SETD2: variants seen among roughly 807,000 people sequenced by gnomAD.
SETD2 encodes the protein histone-lysine N-methyltransferase SETD2.
In SETD2, 31 loss-of-function variants were observed where a neutral mutation model predicts 242.1. The observed-to-expected ratio is 0.13, with a 90% CI of 0.10 to 0.17. The LOEUF (loss-of-function observed/expected upper bound fraction) is 0.17, where lower values mean the gene tolerates loss of function less well. Ranked by LOEUF, SETD2 falls within the 10% of genes least tolerant of loss-of-function variation. The probability of loss-of-function intolerance (pLI) is 1.00; values close to 1 mark genes in which losing one functional copy is unlikely to be tolerated. For synonymous variants in SETD2, 1,006 were observed against 1,066.5 expected (o/e 0.94, Z 1.11); for missense variants, 2,481 against 3,046.3 (o/e 0.81, Z 4.37).
At chr3:47,074,008 A>G (rs892866108) in intron 12 of SETD2, among the ~76,000 whole-genome samples, 3 of 152,240 alleles carry the variant, frequency 2.0e-5, no homozygotes, top group African/African-American at 7.2e-5. Context: ...GCATATTCCT[A>G]CGTGTGAATG....
intron 12 of SETD2, among the ~76,000 whole-genome samples, chr3:47,076,879 C>T (rs1162049031): frequency 1.3e-5 from 2 of 152,172 alleles, no homozygotes; most frequent in South Asian, 2.1e-4. Context: ...CTCTATCATA[C>T]ACTAAAGGCT....
chr3:47,104,857 G>A (rs1475079783), intron 6 of SETD2, among the ~76,000 whole-genome samples: 1 of 152,144 alleles, frequency 6.6e-6, no homozygotes, highest in Non-Finnish European at 1.5e-5. Flanking sequence ...CAACACTCAA[G>A]TGATTCTCTG....
At chr3:47,127,109 C>A (rs1292055880) in intron 1 of SETD2, among the ~76,000 whole-genome samples, 3 of 152,130 alleles carry the variant, frequency 2.0e-5, no homozygotes, top group Non-Finnish European at 4.4e-5. Flanking sequence ...GTAATCCCAG[C>A]ACTTTGGGAG....
chr3:47,100,557 A>G (rs898271418), intron 8 of SETD2, among the ~76,000 whole-genome samples: 1 of 152,106 alleles, frequency 6.6e-6, no homozygotes, highest in Non-Finnish European at 1.5e-5. Context: ...ACCAGCCTGT[A>G]GTTTTATTTT....
rs2106660547 is a variant in SETD2 at position 47,121,782 on chromosome 3, T to C, written c.2854A>G (p.Asn952Asp). 1.2e-6 allele frequency: 2 copies of C among 1,614,140 alleles called. No homozygotes were observed. Among genetic ancestry groups the C allele is most frequent in the South Asian group, 2.2e-5 (2 of 91,078 alleles). Reference protein sequence around the residue: ...GFASRENRRNNGLSGKCLQEA... With the variant: ...GFASRENRRNDGLSGKCLQEA... ...TGCAAACATTTCCCAGATAACCCAT[T>C]ATTACGCCTGTTCTCCCTGGAAGCA... is the stretch of plus-strand genomic sequence containing the variant. The change falls in exon 3 of 21, where the codon AAT (asparagine) becomes GAT (aspartate). Residue 952 changes from asparagine (N) to aspartate (D), a missense_variant. Around this residue, in one of 17 missense-constraint regions of SETD2, gnomAD observed 1,300 missense variants for 1,259.2 expected, o/e 1.03. Transcript: ENST00000409792.
chr3:47,163,449 G>T (rs13078131), intron 1 of SETD2: 85,308 of 152,132 alleles, frequency 0.56, 24,092 homozygotes, highest in Non-Finnish European at 0.58. Flanking sequence ...CCCTCTTGCC[G>T]GGCCCGGCAC....
Position 47,037,583 on chromosome 3 carries a change from G to A in SETD2, c.7350+83C>T, listed in dbSNP as rs1046240096. The stretch of plus-strand genomic sequence containing the variant: ...TCACTCACTTATTTTTCAGAATAAA[G>A]AAAAAAGAATCCCAAGACCATGCGG... On this transcript the variant is annotated intron_variant, in intron 18 of 20. Transcript: ENST00000409792. 5.4e-5 allele frequency: 55 copies of A among 1,019,486 alleles called. No individual in the cohort carries two copies. The Admixed American group carries it at 1.0e-3, about 19-fold the overall frequency. The allele number at this position is 1,019,486 out of a possible 1,614,324, so 63.2% of individuals were successfully genotyped here.
At chr3:47,032,642 T>C (rs1441276714) in intron 18 of SETD2, among the ~76,000 whole-genome samples, 1 of 152,044 alleles carries the variant, frequency 6.6e-6, no homozygotes. Flanking sequence ...CTGGGCACGG[T>C]GGCTCACACC....
intron 11 of SETD2, among the ~76,000 whole-genome samples, chr3:47,085,465 C>G (rs1367668062): frequency 1.3e-5 from 2 of 152,152 alleles, no homozygotes; most frequent in Non-Finnish European, 2.9e-5. Context: ...TCTTAGACAA[C>G]CTCCCCCATT....
In SETD2 at chr3:47,042,656, G is replaced by T. The variant is rs771580579; in HGVS notation, c.7143C>A (p.Pro2381=). ...CAATGGTTTTTGGTTTGGGAGGAGAGGGGGGCGGCAGATCCAAGAGATTAT... is the reference window on the plus strand; with the variant it reads ...CAATGGTTTTTGGTTTGGGAGGAGATGGGGGCGGCAGATCCAAGAGATTAT... The part of the protein sequence containing the change: ...VTNNLLDLPP[P]SPPKPKTIVL... The change falls in exon 17 of 21, where the codon CCC becomes CCA. Residue 2381 remains proline, a synonymous_variant. Coordinates refer to ENST00000409792, the MANE Select transcript of SETD2 (RefSeq NM_014159.7). 6.2e-7 allele frequency: 1 copy of T among 1,612,088 alleles called. No homozygotes were observed. The highest frequency in any genetic ancestry group is 1.1e-5 in the South Asian group (1 of 90,764).
intron 1 of SETD2, among the ~76,000 whole-genome samples, chr3:47,159,512 G>A (rs754291346): frequency 7.9e-5 from 12 of 152,018 alleles, no homozygotes; most frequent in Non-Finnish European, 1.6e-4. Flanking sequence ...TACCATCTTG[G>A]TACTGGCAGC....
chr3:47,062,069 C>A lies in SETD2; in HGVS notation c.6293+94G>T, dbSNP rs530828626. 31 of 1,119,872 alleles carry A rather than the reference C, an allele frequency of 2.8e-5. No individual in the cohort carries two copies. In the African/African-American group the frequency reaches 4.1e-4, roughly 15 times the overall value. 69.4% of individuals were successfully genotyped at this position (1,119,872 alleles called of 1,614,324 possible). On this transcript the variant is annotated intron_variant, in intron 14 of 20. Coordinates refer to ENST00000409792, the MANE Select transcript of SETD2 (RefSeq NM_014159.7). Reference sequence around the variant, plus strand: ...AAATGCAAATACTAATTCCAAAAGCCCTTGATGTTCACAATCAGAAGTATA... The same window carrying A: ...AAATGCAAATACTAATTCCAAAAGCACTTGATGTTCACAATCAGAAGTATA...
At chr3:47,163,562 G>C (rs1210738466) in intron 1 of SETD2, 1 of 168,404 alleles carries the variant, frequency 5.9e-6, no homozygotes, top group Non-Finnish European at 1.3e-5. Context: ...GGTCGGTGCG[G>C]ACACGGCGGT....
At chr3:47,082,164 C>T (rs551832946) in intron 12 of SETD2, among the ~76,000 whole-genome samples, 1 of 152,280 alleles carries the variant, frequency 6.6e-6, no homozygotes, top group East Asian at 1.9e-4. Flanking sequence ...CAGAAACCCA[C>T]TATCATACGA....
chr3:47,048,138 C>T (rs569269185), intron 15 of SETD2, among the ~76,000 whole-genome samples: 2 of 152,230 alleles, frequency 1.3e-5, no homozygotes, highest in Non-Finnish European at 2.9e-5. Context: ...ACCTGCAACC[C>T]GAGCACTTTG....
At chr3:47,113,230 A>G (rs1038506991) in intron 5 of SETD2, among the ~76,000 whole-genome samples, 3 of 151,738 alleles carry the variant, frequency 2.0e-5, no homozygotes, top group African/African-American at 7.3e-5. Context: ...AGCTTCCCAT[A>G]GCGCTGAGAT....
At chr3:47,087,949 G>C (rs1024118697) in intron 10 of SETD2, among the ~76,000 whole-genome samples, 164 bp downstream of exon 10, 1 of 150,948 alleles carries the variant, frequency 6.6e-6, no homozygotes, top group African/African-American at 2.4e-5. Flanking sequence ...CTGGATGACA[G>C]AACAAGACCC....
intron 1 of SETD2, among the ~76,000 whole-genome samples, chr3:47,154,295 G>C (rs770340510): frequency 6.6e-6 from 1 of 152,094 alleles, no homozygotes; most frequent in Non-Finnish European, 1.5e-5. Flanking sequence ...TGTAGTCCCA[G>C]CTACTTGGGA....
At chr3:47,103,209 A>G in intron 7 of SETD2, 137 bp downstream of exon 7, 1 of 605,404 alleles carries the variant, frequency 1.7e-6, no homozygotes, top group Admixed American at 2.9e-5. Context: ...ATTTCCAAAT[A>G]AAATCTTAAA....
Sources: allele counts gnomAD v4.1 joint callset (sites outside exome capture counted in the v4.1 genomes callset), GRCh38; gene constraint gnomAD v4.1.1; regional missense constraint gnomAD v4.1.1; transcripts MANE v1.5; gene names NCBI Gene and HGNC (gene_info 2026-07-23, HGNC 2026-07-21).